PPARGC1B: variants seen among roughly 807,000 people sequenced by gnomAD.
The protein encoded by PPARGC1B is PPARG coactivator 1 beta, also known as peroxisome proliferator-activated receptor gamma coactivator 1-beta.
A neutral mutation model predicts 101.6 loss-of-function variants in PPARGC1B; 34 were observed. The ratio of observed to expected loss-of-function variants is 0.33; its 90% CI spans 0.25 to 0.45. The LOEUF (loss-of-function observed/expected upper bound fraction) is 0.45. Ranked by LOEUF, PPARGC1B falls within the 20% of genes least tolerant of loss-of-function variation. The pLI is 1.00. For synonymous variants in PPARGC1B, 548 were observed against 539.3 expected, an observed-to-expected ratio of 1.02 and a Z score of -0.22; for missense variants, 1,234 against 1,317.6, an observed-to-expected ratio of 0.94 and a Z score of 0.98.
At chr5:149,751,549 T>A (rs567771526) in intron 1 of PPARGC1B, among the ~76,000 whole-genome samples, 1 of 151,798 alleles carries the variant, frequency 6.6e-6, no homozygotes, top group South Asian at 2.1e-4. Flanking sequence ...CTACTAAAAA[T>A]ACAAAAATTA....
intron 8 of PPARGC1B, 60 bp from the exon 9 acceptor site, chr5:149,839,980 GC>G (rs1296314022): frequency 6.5e-7 from 1 of 1,533,564 alleles, no homozygotes. Flanking sequence ...GAGCAGATCC[GC>G]CCCCACCCCC....
intron 7 of PPARGC1B, among the ~76,000 whole-genome samples, chr5:149,835,593 G>C (rs1315655089): frequency 6.6e-6 from 1 of 152,212 alleles, no homozygotes; most frequent in African/African-American, 2.4e-5. Flanking sequence ...AGCATTACAG[G>C]CGTGAGCCAC....
intron 1 of PPARGC1B, among the ~76,000 whole-genome samples, chr5:149,812,482 T>C (rs1757903484): frequency 6.6e-6 from 1 of 152,240 alleles, no homozygotes; most frequent in Non-Finnish European, 1.5e-5. Flanking sequence ...TTTTCATTGA[T>C]GGGTGATAGA....
chr5:149,826,839 C>A lies in PPARGC1B; in HGVS notation c.419C>A (p.Pro140Gln), dbSNP rs200766301. The change falls in exon 3 of 12, where the codon CCG becomes CAG. Residue 140 changes from proline to glutamine, a missense_variant. Coordinates refer to ENST00000309241, the MANE Select transcript of PPARGC1B (RefSeq NM_133263.4). ...APSSAPPSPA[P>Q]EKPSAPAPEV... ...TCATCTGCACCCCCCAGCCCTGCCC[C>A]GGAGAAGCCCTCGGCCCCAGCCCCT... The A allele has an allele frequency of 6.2e-7, 1 of 1,613,820 alleles. No individual in the cohort carries two copies. The highest frequency in any genetic ancestry group is 1.7e-5 in the Admixed American group (1 of 60,016).
At chr5:149,758,464 GTTA>G (rs1387552913) in intron 1 of PPARGC1B, among the ~76,000 whole-genome samples, 3 of 152,240 alleles carry the variant, frequency 2.0e-5, no homozygotes, top group Admixed American at 6.5e-5. Context: ...TTGCACACTT[GTTA>G]TTATGATTGT....
At chr5:149,796,783 A>G (rs533687502) in intron 1 of PPARGC1B, among the ~76,000 whole-genome samples, 1 of 152,290 alleles carries the variant, frequency 6.6e-6, no homozygotes, top group African/African-American at 2.4e-5. Context: ...TTTGCCATTT[A>G]CTGACCTAGG....
downstream of PPARGC1B, among the ~76,000 whole-genome samples, chr5:149,856,820 G>GAGTGC (rs1196789480): frequency 3.4e-5 from 5 of 149,158 alleles, no homozygotes; most frequent in East Asian, 7.9e-4. Context: ...TGCCCAGCTG[G>GAGTGC]AGTGCAATGG....
chr5:149,842,311 A>G lies in PPARGC1B; in HGVS notation c.2750A>G (p.Glu917Gly). 1 of 1,614,164 alleles carries G rather than the reference A, an allele frequency of 6.2e-7. No homozygotes were observed. The highest frequency in any genetic ancestry group is 8.5e-7 in the Non-Finnish European group (1 of 1,180,034). The change falls in exon 10 of 12, where the codon GAG becomes GGG. Residue 917 changes from glutamate (E) to glycine (G), a missense_variant. Around this residue, in one of 3 missense-constraint regions of PPARGC1B, gnomAD observed 497 missense variants for 529.5 expected, o/e 0.94. Coordinates refer to ENST00000309241, the MANE Select transcript of PPARGC1B (RefSeq NM_133263.4). ...CTCTCCAGCGACATGAGCTCCCGAG[A>G]GCTGAAGAGGCGCTTTGAAGTGTTT... ...QNLSSDMSSR[E>G]LKRRFEVFGE...
At chr5:149,783,041 C>A (rs1025125801) in intron 1 of PPARGC1B, among the ~76,000 whole-genome samples, 13 of 152,006 alleles carry the variant, frequency 8.6e-5, no homozygotes, top group Non-Finnish European at 1.9e-4. Context: ...CTGAAGTGGG[C>A]AGTGGAACTC....
intron 6 of PPARGC1B, 106 bp downstream of exon 6, chr5:149,834,816 G>T: frequency 1.0e-6 from 1 of 1,004,662 alleles, no homozygotes; most frequent in South Asian, 1.4e-5. Flanking sequence ...CCTGGCCCCG[G>T]CCCCACACCC....
rs1030843742 is a variant in PPARGC1B, at chr5:149,836,376, G to A, written c.1921G>A (p.Gly641Ser). The change falls in exon 8 of 12, where the codon GGC (glycine) becomes AGC (serine). Residue 641 changes from glycine to serine, a missense_variant. Transcript: ENST00000309241. ...AGCTCTCAGCCTCCCCTCCCCTGAG[G>A]GCCTCTCACTCAAGGCCACCCCAGG... Reference protein sequence around the residue: ...EIALSLPSPEGLSLKATPGAA... With the variant: ...EIALSLPSPESLSLKATPGAA... The A allele has an allele frequency of 1.2e-5, 20 of 1,614,022 alleles. No homozygotes were observed. Among genetic ancestry groups the A allele is most frequent in the Non-Finnish European group, 1.5e-5 (18 of 1,179,996 alleles).
At chr5:149,767,001 A>T (rs893187022) in intron 1 of PPARGC1B, among the ~76,000 whole-genome samples, 2 of 152,208 alleles carry the variant, frequency 1.3e-5, no homozygotes, top group Non-Finnish European at 1.5e-5. Context: ...AGGCTGTCGG[A>T]GATGAGGACC....
Position 149,826,741 on chromosome 5 carries a change from C to G in PPARGC1B, c.321C>G (p.Asp107Glu), listed in dbSNP as rs141027780. ...TKTLDDIPED[D>E]VGLAAFPALD... is the part of the protein sequence containing the mutation. ...CCCTGGATGACATCCCTGAAGATGA[C>G]GTGGGTCTGGCTGCCTTCCCAGCCC... The change falls in exon 3 of 12, where the codon GAC (aspartate) becomes GAG (glutamate). Residue 107 changes from aspartate (D) to glutamate (E), a missense_variant. By Grantham distance (45) the Asp-to-Glu change is conservative (BLOSUM62 2). This residue lies in a region of PPARGC1B where 734 missense variants were observed against 768.4 expected (regional missense o/e 0.96). Transcript: ENST00000309241. The G allele has an allele frequency of 5.6e-6, 9 of 1,613,900 alleles. No individual in the cohort carries two copies. Among genetic ancestry groups the G allele is most frequent in the Non-Finnish European group, 7.6e-6 (9 of 1,179,998 alleles).
rs1409768188 is a variant in PPARGC1B, at chr5:149,852,135, A to G, written c.*4577A>G. On this transcript the variant is annotated 3_prime_UTR_variant, in exon 12 of 12. Transcript: ENST00000309241. ...TTGGAAGCCCTTGAAACAGGGAGCCATGGGTTTAGATCTTGGTACCTACCT... is the reference window on the plus strand; with the variant it reads ...TTGGAAGCCCTTGAAACAGGGAGCCGTGGGTTTAGATCTTGGTACCTACCT... 1 of 152,250 alleles carries G rather than the reference A, an allele frequency of 6.6e-6. No individual in the cohort carries two copies. The highest frequency in any genetic ancestry group is 1.5e-5 in the Non-Finnish European group (1 of 68,072). 9.4% of individuals were successfully genotyped at this position (152,250 alleles called of 1,614,324 possible).
intron 1 of PPARGC1B, chr5:149,818,865 G>A (rs1434057272): frequency 2.2e-6 from 1 of 456,442 alleles, no homozygotes; most frequent in African/African-American, 2.0e-5. Flanking sequence ...AGATATTGTT[G>A]TTGTCCACGT....
intron 2 of PPARGC1B, among the ~76,000 whole-genome samples, chr5:149,822,629 G>T (rs900640671): frequency 5.9e-5 from 9 of 152,212 alleles, no homozygotes; most frequent in South Asian, 2.1e-4. Context: ...TGAATCCTTC[G>T]ACACGCAGCT....
chr5:149,803,882 T>C (rs1757510570), intron 1 of PPARGC1B, among the ~76,000 whole-genome samples: 1 of 152,246 alleles, frequency 6.6e-6, no homozygotes, highest in Non-Finnish European at 1.5e-5. Context: ...GCCTCGAGTC[T>C]GCAGGACCTG....
At chr5:149,836,134 C>A in intron 7 of PPARGC1B, 129 bp from the exon 8 acceptor site, 1 of 761,166 alleles carries the variant, frequency 1.3e-6, no homozygotes, top group Non-Finnish European at 2.2e-6. Flanking sequence ...AGTAATCCAC[C>A]CACCTCACCC....
chr5:149,776,196 G>T (rs1225579392), intron 1 of PPARGC1B, among the ~76,000 whole-genome samples: 1 of 152,200 alleles, frequency 6.6e-6, no homozygotes, highest in Non-Finnish European at 1.5e-5. Context: ...TGTAGGTGAT[G>T]AAAGAACATT....
Sources: gnomAD v4.1 joint callset for allele counts (sites outside exome capture counted in the v4.1 genomes callset) on GRCh38, gnomAD v4.1.1 for gene constraint, gnomAD v4.1.1 regional missense constraint, MANE v1.5 for transcripts, NCBI Gene and HGNC (gene_info 2026-07-23, HGNC 2026-07-21) for gene names.